Variants in PFKFB3 observed in about 807,000 individuals in gnomAD.
PFKFB3 encodes the protein 6-phosphofructo-2-kinase/fructose-2,6-biphosphatase 3, also known as 6-phosphofructo-2-kinase/fructose-2,6-bisphosphatase 3.
PFKFB3 carries 33 observed loss-of-function variants against 68.0 expected under a neutral mutation model. The observed-to-expected ratio is 0.49, with a 90% CI of 0.37 to 0.65. The LOEUF is 0.65. Among genes scored for constraint, PFKFB3 ranks in the 30% least tolerant of loss-of-function variants. The probability of loss-of-function intolerance (pLI) is 0.00; values close to 1 mark genes in which losing one functional copy is unlikely to be tolerated. For missense variants in PFKFB3, 586 were observed against 712.2 expected (o/e 0.82, Z 2.02); for synonymous variants, 315 against 288.2 (o/e 1.09, Z -0.94).
intron 1 of PFKFB3, among the ~76,000 whole-genome samples, chr10:6,177,003 C>T (rs546140644): frequency 7.9e-5 from 12 of 152,322 alleles, no homozygotes; most frequent in East Asian, 5.8e-4. Flanking sequence ...CCTGACTTCC[C>T]GCTCCTGCCT....
chr10:6,248,868 G>A (rs1163472693), intron 14 of PFKFB3, among the ~76,000 whole-genome samples: 1 of 151,980 alleles, frequency 6.6e-6, no homozygotes, highest in Non-Finnish European at 1.5e-5. Flanking sequence ...TGTTGGTGAG[G>A]ATGTGGAGAA....
intron 1 of PFKFB3, among the ~76,000 whole-genome samples, chr10:6,161,635 TATAGAGAG>T (rs1841978362): frequency 1.2e-5 from 1 of 80,498 alleles, no homozygotes; most frequent in Non-Finnish European, 4.0e-5. Context: ...CATATATATA[TATAGAGAG>T]AGAGAGAGAG....
chr10:6,293,771 C>T, the PFKFB3 span: 2 of 368,420 alleles, frequency 5.4e-6, no homozygotes, highest in South Asian at 2.7e-5. Flanking sequence ...TGTTTGAGCA[C>T]CTTGTGCACT....
chr10:6,289,763 G>A, the PFKFB3 span, among the ~76,000 whole-genome samples: 4,662 of 152,028 alleles, frequency 0.031, 208 homozygotes, highest in African/African-American at 0.11. Context: ...AGCTTGATGG[G>A]GATGGCATTG....
At chr10:6,226,483 G>C (rs927214402) in intron 14 of PFKFB3, 118 bp downstream of exon 14, 18 of 919,318 alleles carry the variant, frequency 2.0e-5, no homozygotes, top group Non-Finnish European at 2.9e-5. Context: ...GTGTGGGTGC[G>C]CGTGCGTATG....
At chr10:6,203,381 G>T in intron 1 of PFKFB3, 45 bp downstream of exon 1, 1 of 1,497,710 alleles carries the variant, frequency 6.7e-7, no homozygotes, top group Non-Finnish European at 9.1e-7. Context: ...GGGCTGCGCC[G>T]GGCCGGGCCA....
rs745368346 is a variant in PFKFB3 at position 6,226,187 on chromosome 10, C to G, written c.1342-5C>G. The G allele has an allele frequency of 2.5e-6, 4 of 1,573,564 alleles. No individual in the cohort carries two copies. The highest frequency in any genetic ancestry group is 3.4e-6 in the Non-Finnish European group (4 of 1,160,740). ...CTTTCTCTCTTTTGTCTTTGTCTTGCTTAGGATGCAAAGAAGGGACCTAAC... is the reference window on the plus strand; with the variant it reads ...CTTTCTCTCTTTTGTCTTTGTCTTGGTTAGGATGCAAAGAAGGGACCTAAC... On this transcript the variant is annotated splice_polypyrimidine_tract_variant and splice_region_variant and intron_variant, in intron 13 of 14. Transcript: ENST00000379775.
At chr10:6,262,281 T>C in the PFKFB3 span, among the ~76,000 whole-genome samples, 1,960 of 151,108 alleles carry the variant, frequency 0.013, 109 homozygotes, top group South Asian at 0.15. Flanking sequence ...GGTGAAACCC[T>C]GTCTCTACTA....
chr10:6,284,410 G>C, the PFKFB3 span, among the ~76,000 whole-genome samples: 1 of 152,104 alleles, frequency 6.6e-6, no homozygotes, highest in Non-Finnish European at 1.5e-5. Flanking sequence ...TTGGAGAATT[G>C]ACCCCTTTAT....
In PFKFB3 at chr10:6,176,010, A is replaced by G. The variant is rs141742061; in HGVS notation, c.16+30997A>G. 9.3e-4 allele frequency among the ~76,000 whole-genome samples: 141 copies of G among 152,362 alleles called. 1 individual carries two copies. In the South Asian group the frequency reaches 0.013, roughly 15 times the overall value. On this transcript the variant is annotated intron_variant, in intron 1 of 14. Coordinates refer to the PFKFB3 transcript ENST00000379789. ...GTAGACGCATGCACTCAAGGTGCAC[A>G]GAAGAATGTTCACTGCGGCACCCCA...
chr10:6,183,614 A>AAAAAAATATATAT (rs1242752213), intron 1 of PFKFB3, among the ~76,000 whole-genome samples: 2 of 93,944 alleles, frequency 2.1e-5, no homozygotes, highest in African/African-American at 6.8e-5. Flanking sequence ...AAAAAAAAAA[A>AAAAAAATATATAT]ATATATATAT....
At chr10:6,312,299 A>T in the PFKFB3 span, among the ~76,000 whole-genome samples, 1 of 126,738 alleles carries the variant, frequency 7.9e-6, no homozygotes, top group African/African-American at 2.9e-5. Flanking sequence ...TGTATCTTGG[A>T]AGAATAAAAT....
At chr10:6,243,206 G>A (rs188104593) in intron 14 of PFKFB3, among the ~76,000 whole-genome samples, 1 of 152,118 alleles carries the variant, frequency 6.6e-6, no homozygotes, top group Non-Finnish European at 1.5e-5. Flanking sequence ...CGTTTCATTA[G>A]AGAAAAAAAG....
At position 6,226,275 on chromosome 10, in the gene PFKFB3, C is replaced by T. The variant is rs756107683; in HGVS notation, c.1425C>T (p.Arg475=). ...LASPEPTKKP[R]INSFEEHVAS... is the part of the protein sequence containing the mutation. ...GCCCCGAACCCACCAAAAAGCCTCG[C>T]ATCAACAGCTTTGAGGAGCATGTGG... Residue 475 remains arginine (R), a synonymous_variant, in exon 14 of 15, where the codon CGC becomes CGT. Coordinates refer to ENST00000379775, the MANE Select transcript of PFKFB3 (RefSeq NM_004566.4). 3 of 1,614,186 alleles carry T rather than the reference C, an allele frequency of 1.9e-6. No individual in the cohort carries two copies. Among genetic ancestry groups the T allele is most frequent in the Admixed American group, 1.7e-5 (1 of 60,016 alleles).
rs1241284378 is a variant in PFKFB3 at position 6,206,555 on chromosome 10, G to A, written c.76+3219G>A. Among the ~76,000 whole-genome samples, 44 of 71,376 alleles carry A rather than the reference G, an allele frequency of 6.2e-4. 1 individual carries two copies. Among genetic ancestry groups the A allele is most frequent in the African/African-American group, 1.7e-3 (27 of 15,974 alleles). 46.8% of individuals were successfully genotyped at this position (71,376 alleles called of 152,430 possible). A position where few individuals can be genotyped will look rare whatever the true frequency, so the allele number is the denominator to read the frequency against. ...CGGGCAGAGGCGCCCCTCACCTCCC[G>A]GACGGGGCGGCTGGCCGGGCAGGGG... On this transcript the variant is annotated intron_variant, in intron 1 of 14. Transcript: ENST00000379775.
chr10:6,181,053 C>G (rs757368403), intron 1 of PFKFB3, among the ~76,000 whole-genome samples: 1 of 152,022 alleles, frequency 6.6e-6, no homozygotes, highest in Admixed American at 6.6e-5. Flanking sequence ...CTGGCTCTGT[C>G]GCTCAGGCTG....
chr10:6,178,593 C>T (rs1046443163), intron 1 of PFKFB3, among the ~76,000 whole-genome samples: 2 of 152,104 alleles, frequency 1.3e-5, no homozygotes, highest in Non-Finnish European at 2.9e-5. Flanking sequence ...GTCCGCCCCA[C>T]GGGTCCCTCC....
At position 6,254,311 on chromosome 10, in the gene PFKFB3, C is replaced by T. The variant is rs1439398502; in HGVS notation, c.1649C>T (p.Pro550Leu). 2.3e-5 allele frequency: 9 copies of T among 398,432 alleles called. No individual in the cohort carries two copies. In the South Asian group the frequency reaches 3.8e-4, roughly 17 times the overall value. 24.7% of individuals were successfully genotyped at this position (398,432 alleles called of 1,614,324 possible). Residue 550 changes from proline to leucine, a missense_variant, in exon 15 of 15, where the codon CCG becomes CTG. Pro to Leu is a moderately conservative substitution (Grantham distance 98, BLOSUM62 -3). Transcript: ENST00000640683. Reference sequence around the variant, plus strand: ...GGACCCGGGGCTGCACCAAGCATCCCGGAGCCCAGACTGGTCTCGCTTCCT... The same window carrying T: ...GGACCCGGGGCTGCACCAAGCATCCTGGAGCCCAGACTGGTCTCGCTTCCT...
At chr10:6,313,174 G>A in the PFKFB3 span, among the ~76,000 whole-genome samples, 6 of 152,252 alleles carry the variant, frequency 3.9e-5, no homozygotes, top group South Asian at 2.1e-4. This position sits in a 1 kb window ranked among gnomAD's most constrained non-coding sequence, Gnocchi z 4.2. Context: ...TTAAATGTCC[G>A]TGACATGATT....
Sources: gnomAD v4.1 joint callset for allele counts (sites outside exome capture counted in the v4.1 genomes callset) on GRCh38, gnomAD v4.1.1 for gene constraint, Gnocchi (gnomAD v3.1) non-coding constraint, MANE v1.5 for transcripts, NCBI Gene and HGNC (gene_info 2026-07-23, HGNC 2026-07-21) for gene names.